The following ASAP1 variants were observed in gnomAD, a reference collection of about 807,000 sequenced individuals.
ASAP1 encodes arf-GAP with SH3 domain, ANK repeat and PH domain-containing protein 1.
ASAP1 carries 43 observed loss-of-function variants against 145.2 expected under a neutral mutation model. That is an observed-to-expected ratio of 0.30 (90% confidence interval 0.23 to 0.38). The LOEUF is 0.38. Among genes scored for constraint, ASAP1 ranks in the 10% least tolerant of loss-of-function variants. The pLI is 1.00. For synonymous variants in ASAP1, 546 were observed against 515.5 expected, an observed-to-expected ratio of 1.06 and a Z score of -0.80; for missense variants, 1,018 against 1,355.3, an observed-to-expected ratio of 0.75 and a Z score of 3.91.
At chr8:130,343,274 C>T (rs78633501) in intron 3 of ASAP1, among the ~76,000 whole-genome samples, 3,080 of 152,260 alleles carry the variant, frequency 0.02, 100 homozygotes, top group African/African-American at 0.069. Flanking sequence ...ACTACTAAGG[C>T]GGATACGGGC....
At chr8:130,259,219 T>G (rs1198891463) in intron 3 of ASAP1, among the ~76,000 whole-genome samples, 1 of 152,228 alleles carries the variant, frequency 6.6e-6, no homozygotes, top group East Asian at 1.9e-4. Flanking sequence ...GATTTCTAAA[T>G]ATCAGAGAAT....
At chr8:130,221,757 A>G (rs1216168660) in intron 4 of ASAP1, among the ~76,000 whole-genome samples, 1 of 151,814 alleles carries the variant, frequency 6.6e-6, no homozygotes, top group Non-Finnish European at 1.5e-5. Context: ...CCTCCTCTAT[A>G]CTCCATATCC....
chr8:130,344,009 G>A (rs570177473), intron 3 of ASAP1, among the ~76,000 whole-genome samples: 23 of 152,104 alleles, frequency 1.5e-4, no homozygotes, highest in Admixed American at 5.2e-4. Context: ...TTCTACAAAG[G>A]GAATAGGTTC....
At chr8:130,129,012 T>C (rs564717507) in intron 15 of ASAP1, among the ~76,000 whole-genome samples, 10 of 152,236 alleles carry the variant, frequency 6.6e-5, no homozygotes, top group South Asian at 2.1e-4. Context: ...TAGGAGGTGA[T>C]TGGATCAAGG....
chr8:130,281,116 C>A (rs537997020), intron 3 of ASAP1, among the ~76,000 whole-genome samples: 11 of 152,092 alleles, frequency 7.2e-5, no homozygotes, highest in Non-Finnish European at 1.5e-5. Context: ...GGGCAGATAA[C>A]CTGGGGCTGT....
rs2097553532 is a variant in ASAP1, at chr8:130,115,357, A to G, written c.2172+271T>C. On this transcript the variant is annotated intron_variant, in intron 23 of 29. Transcript: ENST00000518721. ...TCCAGCCTGCTGGCCTGCCCTGTGC[A>G]TTTTGAACTTGACAGCTCCTTCAAT... 1.3e-5 allele frequency among the ~76,000 whole-genome samples: 2 copies of G among 152,194 alleles called. 1 individual carries two copies. Among genetic ancestry groups the G allele is most frequent in the South Asian group, 4.1e-4 (2 of 4,822 alleles).
intron 20 of ASAP1, 64 bp downstream of exon 20, chr8:130,118,097 G>A: frequency 7.2e-7 from 1 of 1,383,098 alleles, no homozygotes; most frequent in Non-Finnish European, 1.0e-6. Flanking sequence ...CCACTGATAG[G>A]ACTGGTTTGT....
intron 3 of ASAP1, among the ~76,000 whole-genome samples, chr8:130,285,727 C>T (rs1416245474): frequency 6.6e-6 from 1 of 152,136 alleles, no homozygotes. Flanking sequence ...CAGTTTTTGT[C>T]TTCTATAGGC....
intron 5 of ASAP1, among the ~76,000 whole-genome samples, chr8:130,204,597 G>A (rs1483691942): frequency 6.6e-6 from 1 of 152,160 alleles, no homozygotes; most frequent in Non-Finnish European, 1.5e-5. Context: ...AGCTAGGTAG[G>A]TGGGGCCAAG....
chr8:130,140,794 A>C (rs1440564742), intron 13 of ASAP1, among the ~76,000 whole-genome samples: 3 of 152,158 alleles, frequency 2.0e-5, no homozygotes, highest in Non-Finnish European at 2.9e-5. Flanking sequence ...CATCATCCCA[A>C]ATGTGACTTT....
rs770998698 is a variant in ASAP1 at position 130,401,896 on chromosome 8, T to C, written c.48A>G (p.Ser16=). The part of the protein sequence containing the change: ...SRLSSFSSRD[S]LWNRMPDQIS... ...TAGAGATCACTCACCGATTCCATAG[T>C]GAATCTCTCGACGAAAAACTGGAGA... The change falls in exon 2 of 30, where the codon TCA becomes TCG. Residue 16 remains serine, a synonymous_variant. Transcript: ENST00000518721. 3 of 1,613,652 alleles carry C rather than the reference T, an allele frequency of 1.9e-6. No homozygotes were observed. Among genetic ancestry groups the C allele is most frequent in the African/African-American group, 1.3e-5 (1 of 75,040 alleles).
At chr8:130,065,958 T>C (rs1226647574) in intron 27 of ASAP1, among the ~76,000 whole-genome samples, 1 of 152,128 alleles carries the variant, frequency 6.6e-6, no homozygotes, top group East Asian at 1.9e-4. Flanking sequence ...CTTGGGCCGT[T>C]TTCCACAGGC....
At chr8:130,088,114 T>G (rs2097497667) in intron 25 of ASAP1, among the ~76,000 whole-genome samples, 1 of 152,092 alleles carries the variant, frequency 6.6e-6, no homozygotes, top group South Asian at 2.1e-4. Flanking sequence ...TATAATTAAG[T>G]TAAGGATCTT....
chr8:130,372,995 CACAG>C lies in ASAP1; in HGVS notation c.60-14856_60-14853del, dbSNP rs549635454. On this transcript the variant is annotated intron_variant, in intron 2 of 29. Transcript: ENST00000518721. ...ACATACACACATACGCACAGACATACACAGACACAGACACACATACACACAGACA... is the reference window on the plus strand; with the variant it reads ...ACATACACACATACGCACAGACATACACACAGACACACATACACACAGACA... Among the ~76,000 whole-genome samples the C allele has an allele frequency of 2.3e-4, 34 of 146,854 alleles. No individual in the cohort carries two copies. In the East Asian group the frequency reaches 6.2e-3, roughly 27 times the overall value.
chr8:130,060,637 T>C lies in ASAP1; in HGVS notation c.3134A>G (p.Asn1045Ser), dbSNP rs1322197928. 2.5e-6 allele frequency: 4 copies of C among 1,614,024 alleles called. No individual in the cohort carries two copies. The highest frequency in any genetic ancestry group is 1.3e-5 in the African/African-American group (1 of 74,908). Residue 1045 changes from asparagine to serine, a missense_variant, in exon 28 of 30, where the codon AAC (asparagine) becomes AGC (serine). Asn to Ser is a conservative substitution (Grantham distance 46). This residue lies in a region of ASAP1 where 139 missense variants were observed against 131.0 expected (regional missense o/e 1.06). Coordinates refer to ENST00000518721, the MANE Select transcript of ASAP1 (RefSeq NM_018482.4). ...AIQKQASEDS[N>S]DLTPTLPETP... ...CTCTGGCAGAGTAGGCGTGAGGTCG[T>C]TGGAGTCTTCAGATGCTTGCTTTTG...
intron 6 of ASAP1, among the ~76,000 whole-genome samples, chr8:130,187,633 G>A (rs1020595224): frequency 1.3e-5 from 2 of 152,080 alleles, no homozygotes; most frequent in Non-Finnish European, 2.9e-5. Context: ...TGCCCAGGCT[G>A]GTCTTGAACT....
chr8:130,115,517 A>G (rs1443860512), intron 23 of ASAP1, 111 bp downstream of exon 23: 2 of 832,080 alleles, frequency 2.4e-6, no homozygotes, highest in Non-Finnish European at 4.0e-6. Context: ...GCCCTGATAC[A>G]TTGGATCATA....
chr8:130,438,981 T>C (rs1184179917), intron 1 of ASAP1, among the ~76,000 whole-genome samples: 3 of 152,230 alleles, frequency 2.0e-5, no homozygotes, highest in Non-Finnish European at 2.9e-5. Flanking sequence ...ATGAGTTACA[T>C]GGCAATGGAA....
At chr8:130,404,296 G>A (rs1361096022) in intron 1 of ASAP1, among the ~76,000 whole-genome samples, 1 of 152,178 alleles carries the variant, frequency 6.6e-6, no homozygotes, top group Admixed American at 6.5e-5. Context: ...ATTAGATGGG[G>A]AACTGACAAG....
Sources: gnomAD v4.1 joint callset for allele counts (sites outside exome capture counted in the v4.1 genomes callset) on GRCh38, gnomAD v4.1.1 for gene constraint, gnomAD v4.1.1 regional missense constraint, MANE v1.5 for transcripts, NCBI Gene and HGNC (gene_info 2026-07-23, HGNC 2026-07-21) for gene names.